Variants in MSRA observed in about 807,000 individuals in gnomAD.
MSRA encodes mitochondrial peptide methionine sulfoxide reductase.
MSRA carries 54 observed loss-of-function variants against 31.3 expected under a neutral mutation model. The ratio of observed to expected loss-of-function variants is 1.73; its 90% CI spans 1.39 to 2.17. The LOEUF is 2.17. Among genes scored for constraint, MSRA ranks in the 30% most tolerant of loss-of-function variants. The pLI, the probability that MSRA is intolerant of heterozygous loss-of-function variation, is 0.00. For synonymous variants in MSRA, 169 were observed against 116.5 expected, an observed-to-expected ratio of 1.45 and a Z score of -2.90; for missense variants, 507 against 300.9, an observed-to-expected ratio of 1.69 and a Z score of -5.07.
chr8:10,297,358 G>A (rs149960603), intron 3 of MSRA, among the ~76,000 whole-genome samples: 100 of 152,286 alleles, frequency 6.6e-4, no homozygotes, highest in African/African-American at 2.3e-3. Flanking sequence ...GAACAGCAAC[G>A]TTAAAGCCCC....
chr8:10,303,777 G>C (rs369017620), intron 4 of MSRA, among the ~76,000 whole-genome samples: 2 of 152,192 alleles, frequency 1.3e-5, no homozygotes, highest in Non-Finnish European at 2.9e-5. Flanking sequence ...TCCTCCGTCA[G>C]GAACCTCTAC....
intron 1 of MSRA, among the ~76,000 whole-genome samples, chr8:10,195,397 C>A (rs28399250): frequency 1.3e-5 from 2 of 152,160 alleles, no homozygotes; most frequent in African/African-American, 4.8e-5. Context: ...CATGCCACCA[C>A]GCCAGGCTAA....
At chr8:10,223,873 A>C (rs1810745301) in intron 2 of MSRA, among the ~76,000 whole-genome samples, 1 of 152,108 alleles carries the variant, frequency 6.6e-6, no homozygotes. Flanking sequence ...CCCCTGTTTC[A>C]TTTCCCCACT....
chr8:10,349,293 T>C (rs1490514234), intron 5 of MSRA, among the ~76,000 whole-genome samples: 1 of 152,244 alleles, frequency 6.6e-6, no homozygotes, highest in Non-Finnish European at 1.5e-5. Context: ...ACAGTTTTAA[T>C]GGCAATCTGT....
At chr8:10,368,995 G>A (rs765371346) in intron 5 of MSRA, among the ~76,000 whole-genome samples, 3 of 152,120 alleles carry the variant, frequency 2.0e-5, no homozygotes, top group African/African-American at 4.8e-5. Flanking sequence ...ACCAACACCC[G>A]CAAGTGTGTT....
chr8:10,252,763 G>C (rs1267312989), intron 3 of MSRA, among the ~76,000 whole-genome samples: 1 of 152,228 alleles, frequency 6.6e-6, no homozygotes. Context: ...ACCTGCTCCA[G>C]TTTACAGTAT....
intron 5 of MSRA, among the ~76,000 whole-genome samples, chr8:10,413,521 G>C (rs984896909): frequency 6.6e-6 from 1 of 152,122 alleles, no homozygotes; most frequent in African/African-American, 2.4e-5. Context: ...AAAGAAACAT[G>C]ACGGTATCCG....
chr8:10,259,360 A>G (rs142265710), intron 3 of MSRA, among the ~76,000 whole-genome samples: 9 of 152,316 alleles, frequency 5.9e-5, no homozygotes, highest in African/African-American at 1.9e-4. Context: ...TCGAGCCTAT[A>G]AAACAGAATG....
At chr8:10,213,879 G>A (rs368575003) in intron 2 of MSRA, among the ~76,000 whole-genome samples, 26 of 152,082 alleles carry the variant, frequency 1.7e-4, no homozygotes, top group African/African-American at 4.6e-4. Flanking sequence ...GTGTGAACCC[G>A]TACCATTTGG....
intron 1 of MSRA, among the ~76,000 whole-genome samples, chr8:10,156,942 A>T (rs1476829256): frequency 6.6e-6 from 1 of 151,132 alleles, no homozygotes; most frequent in Non-Finnish European, 1.5e-5. Context: ...ATTTATGAAG[A>T]CCTACTGTGT....
intron 2 of MSRA, among the ~76,000 whole-genome samples, chr8:10,228,442 G>C (rs1339019463): frequency 1.3e-5 from 2 of 152,036 alleles, no homozygotes; most frequent in Non-Finnish European, 2.9e-5. Context: ...ATAAAATTAT[G>C]CTCCCTTCCC....
At chr8:10,132,930 C>T (rs1408853634) in intron 1 of MSRA, among the ~76,000 whole-genome samples, 1 of 152,198 alleles carries the variant, frequency 6.6e-6, no homozygotes, top group East Asian at 1.9e-4. Flanking sequence ...CTTGGGCTAG[C>T]AGGCCAGAAG....
At chr8:10,304,578 A>G (rs1193091531) in intron 4 of MSRA, among the ~76,000 whole-genome samples, 1 of 152,238 alleles carries the variant, frequency 6.6e-6, no homozygotes, top group East Asian at 1.9e-4. Context: ...TTCCAAGGTC[A>G]GAATTTGAAG....
chr8:10,328,121 G>C (rs9644723), intron 5 of MSRA, among the ~76,000 whole-genome samples: 1 of 133,990 alleles, frequency 7.5e-6, no homozygotes, highest in Non-Finnish European at 1.5e-5. Flanking sequence ...CTGGACTCCA[G>C]ATCCCCATAA....
chr8:10,253,640 G>A (rs1032636757), intron 3 of MSRA, among the ~76,000 whole-genome samples: 9 of 152,280 alleles, frequency 5.9e-5, no homozygotes, highest in African/African-American at 2.2e-4. Context: ...GATATAGCAA[G>A]CAGTTTTTAA....
At chr8:10,347,222 G>C (rs956033130) in intron 5 of MSRA, among the ~76,000 whole-genome samples, 1 of 152,184 alleles carries the variant, frequency 6.6e-6, no homozygotes, top group African/African-American at 2.4e-5. Context: ...GCTCCAGTCA[G>C]CTTATAGTAA....
chr8:10,069,045 G>A (rs1585080872), intron 1 of MSRA, among the ~76,000 whole-genome samples: 1 of 152,232 alleles, frequency 6.6e-6, no homozygotes, highest in South Asian at 2.1e-4. Flanking sequence ...GATGTAAATG[G>A]TCTTGTTTGT....
chr8:10,319,982 A>T lies in MSRA; in HGVS notation c.536A>T (p.Tyr179Phe). The T allele has an allele frequency of 6.3e-7, 1 of 1,596,752 alleles. No individual in the cohort carries two copies. Among genetic ancestry groups the T allele is most frequent in the Non-Finnish European group, 8.5e-7 (1 of 1,171,770 alleles). Residue 179 changes from tyrosine (Y) to phenylalanine (F), a missense_variant, in exon 5 of 6, where the codon TAC becomes TTC. Physicochemically the swap from Tyr to Phe is conservative, Grantham distance 22 (BLOSUM62 3). Coordinates refer to ENST00000317173, the MANE Select transcript of MSRA (RefSeq NM_012331.5). The part of the protein sequence containing the change: ...MEAALSSKEN[Y>F]QKVLSEHGFG... ...GCAGCCCTGAGCTCCAAAGAGAACT[A>T]CCAAAAGGTAGGGATTGCTGGGCTC...
chr8:10,365,260 C>T (rs980775702), intron 5 of MSRA, among the ~76,000 whole-genome samples: 14 of 152,168 alleles, frequency 9.2e-5, no homozygotes, highest in African/African-American at 3.4e-4. Flanking sequence ...AGCTTGTACC[C>T]CTCCCCCGCT....
Sources: allele counts gnomAD v4.1 joint callset (sites outside exome capture counted in the v4.1 genomes callset), GRCh38; gene constraint gnomAD v4.1.1; transcripts MANE v1.5; gene names NCBI Gene and HGNC (gene_info 2026-07-23, HGNC 2026-07-21).